Variants in PDGFD observed in about 807,000 individuals in gnomAD.
PDGFD encodes platelet derived growth factor D.
PDGFD carries 30 observed loss-of-function variants against 44.7 expected under a neutral mutation model. The observed-to-expected ratio is 0.67, with a 90% CI of 0.50 to 0.91. The LOEUF (loss-of-function observed/expected upper bound fraction) is 0.91, where lower values mean the gene tolerates loss of function less well. Ranked by LOEUF, PDGFD falls within the 40% of genes least tolerant of loss-of-function variation. The probability of loss-of-function intolerance (pLI) is 0.00; values close to 1 mark genes in which losing one functional copy is unlikely to be tolerated. For synonymous variants in PDGFD, 173 were observed against 168.4 expected (o/e 1.03, Z -0.21); for missense variants, 445 against 457.8 (o/e 0.97, Z 0.25).
intron 1 of PDGFD, among the ~76,000 whole-genome samples, chr11:104,054,591 G>A (rs758578091): frequency 2.6e-5 from 4 of 152,202 alleles, no homozygotes; most frequent in Non-Finnish European, 4.4e-5. Context: ...CCTTTGGAAA[G>A]TGCAATTTGA....
chr11:103,950,803 G>A (rs748538879), intron 3 of PDGFD, among the ~76,000 whole-genome samples: 3 of 152,120 alleles, frequency 2.0e-5, no homozygotes, highest in African/African-American at 4.8e-5. Context: ...AGCAGGAAAC[G>A]CATATAGTTG....
In PDGFD at chr11:103,947,653, A is replaced by G. The variant is rs931488513; in HGVS notation, c.573+9T>C. 2.5e-6 allele frequency: 4 copies of G among 1,610,932 alleles called. No individual in the cohort carries two copies. Among genetic ancestry groups the G allele is most frequent in the South Asian group, 1.1e-5 (1 of 91,004 alleles). Reference sequence around the variant, plus strand: ...TCTTTTGCTGGCAACAGAGTAATAAATTACTTACTGAAATAGAGCTTGTGA... The same window carrying G: ...TCTTTTGCTGGCAACAGAGTAATAAGTTACTTACTGAAATAGAGCTTGTGA... On this transcript the variant is annotated intron_variant, in intron 4 of 6. Transcript: ENST00000393158.
In PDGFD at chr11:103,995,305, AACTT is replaced by A. The variant is rs796702513; in HGVS notation, c.510+756_510+759del. Among the ~76,000 whole-genome samples, 11 of 152,292 alleles carry A rather than the reference AACTT, an allele frequency of 7.2e-5. No homozygotes were observed. The South Asian group carries it at 2.3e-3, about 32-fold the overall frequency. ...ACCAGAGTGCCTGACAAAGAACAGG[AACTT>A]ACTATTGTTTTATTAATGTATGAAT... On this transcript the variant is annotated intron_variant, in intron 3 of 6. Transcript: ENST00000393158.
chr11:103,995,333 A>C (rs1234036602), intron 3 of PDGFD, among the ~76,000 whole-genome samples: 1 of 152,202 alleles, frequency 6.6e-6, no homozygotes, highest in African/African-American at 2.4e-5. Context: ...TAATGTATGA[A>C]TGAGTAAAGA....
intron 3 of PDGFD, among the ~76,000 whole-genome samples, chr11:103,952,715 G>A (rs10791656): frequency 6.6e-6 from 1 of 151,866 alleles, no homozygotes; most frequent in Non-Finnish European, 1.5e-5. Context: ...ATATATCATT[G>A]TATAATTATA....
intron 1 of PDGFD, among the ~76,000 whole-genome samples, chr11:104,162,419 CCA>C (rs1862404298): frequency 6.7e-6 from 1 of 149,948 alleles, no homozygotes; most frequent in Non-Finnish European, 1.5e-5. Context: ...AGACAAAAAA[CCA>C]CACAGTTTGG....
In PDGFD at chr11:103,909,010, T is replaced by C. The variant is rs1857985247; in HGVS notation, c.*684A>G. ...GCAAAATGCATAAAAAACACAATGA[T>C]TTAATTTCTAAAGCACTTATATTAT... On this transcript the variant is annotated 3_prime_UTR_variant, in exon 7 of 7. Coordinates refer to ENST00000393158, the MANE Select transcript of PDGFD (RefSeq NM_025208.5). 1 of 152,238 alleles carries C rather than the reference T, an allele frequency of 6.6e-6. No homozygotes were observed. The highest frequency in any genetic ancestry group is 1.5e-5 in the Non-Finnish European group (1 of 68,038). The allele number at this position is 152,238 out of a possible 1,614,324, so 9.4% of individuals were successfully genotyped here. A position where few individuals can be genotyped will look rare whatever the true frequency, so the allele number is the denominator to read the frequency against.
chr11:103,923,807 T>C (rs1858262270), intron 6 of PDGFD, among the ~76,000 whole-genome samples: 1 of 152,218 alleles, frequency 6.6e-6, no homozygotes, highest in Admixed American at 6.5e-5. Context: ...GTGATGGATG[T>C]TTATTTTTCC....
At chr11:104,140,991 G>T (rs960395939) in intron 1 of PDGFD, among the ~76,000 whole-genome samples, 5 of 152,118 alleles carry the variant, frequency 3.3e-5, no homozygotes, top group Non-Finnish European at 7.4e-5. Flanking sequence ...TAATGTTGCT[G>T]CCCAGCAGCA....
intron 1 of PDGFD, among the ~76,000 whole-genome samples, chr11:104,074,133 G>T (rs1020897799): frequency 1.3e-5 from 2 of 152,080 alleles, no homozygotes; most frequent in Admixed American, 1.3e-4. Context: ...CTGCTTAGAC[G>T]ATAAGCTGAG....
chr11:104,063,062 C>A (rs1860737614), intron 1 of PDGFD, among the ~76,000 whole-genome samples: 1 of 152,182 alleles, frequency 6.6e-6, no homozygotes, highest in African/African-American at 2.4e-5. Flanking sequence ...TTGCCCCAAG[C>A]TCCAAGCTTT....
chr11:103,922,790 G>A (rs896509389), intron 6 of PDGFD, among the ~76,000 whole-genome samples: 7 of 151,174 alleles, frequency 4.6e-5, no homozygotes, highest in African/African-American at 1.2e-4. Flanking sequence ...ATGTTGACCC[G>A]GTTGATCTTG....
At chr11:104,074,815 A>G (rs1280202813) in intron 1 of PDGFD, among the ~76,000 whole-genome samples, 2 of 152,216 alleles carry the variant, frequency 1.3e-5, no homozygotes, top group Non-Finnish European at 2.9e-5. Flanking sequence ...ATGAGAATTC[A>G]GGTGCTGATT....
At chr11:104,007,649 C>T (rs1408725098) in intron 1 of PDGFD, among the ~76,000 whole-genome samples, 2 of 152,178 alleles carry the variant, frequency 1.3e-5, no homozygotes, top group Non-Finnish European at 2.9e-5. Context: ...AAACCCTTTT[C>T]AGCTACAAGC....
At chr11:104,039,469 C>T (rs1056345091) in intron 1 of PDGFD, among the ~76,000 whole-genome samples, 2 of 152,180 alleles carry the variant, frequency 1.3e-5, no homozygotes, top group South Asian at 2.1e-4. Flanking sequence ...CTTGGTAATA[C>T]TAATCAACCT....
At chr11:103,961,485 C>T (rs1029482152) in intron 3 of PDGFD, among the ~76,000 whole-genome samples, 2 of 152,034 alleles carry the variant, frequency 1.3e-5, no homozygotes, top group African/African-American at 4.8e-5. Context: ...GATAGGGAAG[C>T]AGGCAGGTGA....
chr11:104,159,732 A>T (rs1862362609), intron 1 of PDGFD, among the ~76,000 whole-genome samples: 2 of 152,200 alleles, frequency 1.3e-5, no homozygotes. Flanking sequence ...CTGAAACAAT[A>T]CAGTTTTGCT....
intron 3 of PDGFD, among the ~76,000 whole-genome samples, chr11:103,991,768 T>C (rs1220310577): frequency 6.6e-6 from 1 of 152,204 alleles, no homozygotes; most frequent in East Asian, 1.9e-4. Flanking sequence ...GAGTAATTAA[T>C]AAGTTCCAGG....
chr11:104,067,205 T>C (rs1860802369), intron 1 of PDGFD, among the ~76,000 whole-genome samples: 1 of 152,160 alleles, frequency 6.6e-6, no homozygotes, highest in Non-Finnish European at 1.5e-5. Context: ...GCCATTTCTG[T>C]ATGTGGACAT....
Sources: gnomAD v4.1 joint callset for allele counts (sites outside exome capture counted in the v4.1 genomes callset) on GRCh38, gnomAD v4.1.1 for gene constraint, MANE v1.5 for transcripts, NCBI Gene and HGNC (gene_info 2026-07-23, HGNC 2026-07-21) for gene names.